Variants in GADL1 observed in about 807,000 individuals in gnomAD.
GADL1 encodes acidic amino acid decarboxylase GADL1.
In GADL1, 71 loss-of-function variants were observed where a neutral mutation model predicts 69.5. The observed-to-expected ratio is 1.02, with a 90% confidence interval of 0.84 to 1.25. The LOEUF (loss-of-function observed/expected upper bound fraction) is 1.25, where lower values mean the gene tolerates loss of function less well. GADL1 is among the 50% of genes most tolerant of loss of function. GADL1 has a pLI of 0.00. For synonymous variants in GADL1, 254 were observed against 214.4 expected, an observed-to-expected ratio of 1.18 and a Z score of -1.62; for missense variants, 737 against 631.8, an observed-to-expected ratio of 1.17 and a Z score of -1.79.
At chr3:30,814,419 G>GA (rs1206352515) in intron 11 of GADL1, among the ~76,000 whole-genome samples, 7 of 152,162 alleles carry the variant, frequency 4.6e-5, no homozygotes, top group Non-Finnish European at 8.8e-5. Flanking sequence ...AGGATAGATA[G>GA]AATCTTATCT....
At position 30,740,925 on chromosome 3, in the gene GADL1, CAAAT is replaced by C. The variant is rs1385611280; in HGVS notation, c.1393-12514_1393-12511del. The stretch of plus-strand genomic sequence containing the variant: ...ATATATATATCTAATATATAAAAAA[CAAAT>C]ATATTATATTTGATATATCAAATAT... On this transcript the variant is annotated intron_variant, in intron 14 of 14. Transcript: ENST00000282538. 2.4e-3 allele frequency among the ~76,000 whole-genome samples: 318 copies of C among 132,064 alleles called. 1 individual carries two copies. Among genetic ancestry groups the C allele is most frequent in the African/African-American group, 9.8e-3 (311 of 31,880 alleles). 86.6% of individuals were successfully genotyped at this position (132,064 alleles called of 152,430 possible). A position where few individuals can be genotyped will look rare whatever the true frequency, so the allele number is the denominator to read the frequency against.
chr3:30,821,409 CTT>C (rs1320714356), intron 11 of GADL1, among the ~76,000 whole-genome samples: 1 of 151,566 alleles, frequency 6.6e-6, no homozygotes, highest in South Asian at 2.1e-4. Flanking sequence ...TTTTTTTTCT[CTT>C]TTTTTATACA....
intron 14 of GADL1, among the ~76,000 whole-genome samples, chr3:30,738,090 A>C (rs1458081380): frequency 2.0e-5 from 3 of 152,222 alleles, no homozygotes; most frequent in Non-Finnish European, 4.4e-5. Context: ...ATAAAGCAAA[A>C]GCTTAATACC....
In GADL1 at chr3:30,728,411, G is replaced by A. The variant is rs1295662775; in HGVS notation, c.1397C>T (p.Ala466Val). 2.5e-6 allele frequency: 4 copies of A among 1,613,244 alleles called. 1 individual carries two copies. Among genetic ancestry groups the A allele is most frequent in the Non-Finnish European group, 1.7e-6 (2 of 1,179,494 alleles). The change falls in exon 15 of 15, where the codon GCC becomes GTC. Residue 466 changes from alanine (A) to valine (V), a missense_variant. Transcript: ENST00000282538. ...PEFWAKLNLVAPAIKERMMKK... is the reference protein window; with the variant it reads ...PEFWAKLNLVVPAIKERMMKK... ...CATCATCCTCTCCTTAATGGCTGGG[G>A]CCACCTGTGTGGGGAGAAAAGGGGA... is the stretch of plus-strand genomic sequence containing the variant.
intron 11 of GADL1, among the ~76,000 whole-genome samples, chr3:30,833,391 GC>G (rs1337544171): frequency 6.6e-6 from 1 of 152,076 alleles, no homozygotes; most frequent in Non-Finnish European, 1.5e-5. Flanking sequence ...TCGAAGATCA[GC>G]CCTGAACAAA....
chr3:30,736,517 T>C (rs1045239716), intron 14 of GADL1, among the ~76,000 whole-genome samples: 1 of 152,210 alleles, frequency 6.6e-6, no homozygotes, highest in Non-Finnish European at 1.5e-5. Flanking sequence ...TTTAATCAAT[T>C]TACACTCCCG....
intron 14 of GADL1, among the ~76,000 whole-genome samples, chr3:30,744,570 C>T (rs898477156): frequency 6.6e-5 from 10 of 152,042 alleles, no homozygotes; most frequent in Admixed American, 2.0e-4. Context: ...AAAAATTAGC[C>T]GGGTATGGTG....
chr3:30,764,782 C>G (rs114400006), intron 14 of GADL1, among the ~76,000 whole-genome samples: 2,139 of 152,282 alleles, frequency 0.014, 41 homozygotes, highest in African/African-American at 0.048. Flanking sequence ...TGTCGGCTCA[C>G]CCCAGGTTGT....
chr3:30,766,211 G>A (rs1696272118), intron 14 of GADL1, among the ~76,000 whole-genome samples: 1 of 152,204 alleles, frequency 6.6e-6, no homozygotes, highest in African/African-American at 2.4e-5. Context: ...AGAATGAAGA[G>A]GTGGTAGAAT....
chr3:30,824,458 C>T (rs960157549), intron 11 of GADL1, among the ~76,000 whole-genome samples: 32 of 151,548 alleles, frequency 2.1e-4, no homozygotes, highest in African/African-American at 7.3e-4. Context: ...AAAATTATTC[C>T]GGATGGAACC....
chr3:30,817,141 C>A (rs1433126063), intron 11 of GADL1, among the ~76,000 whole-genome samples: 1 of 152,054 alleles, frequency 6.6e-6, no homozygotes, highest in Non-Finnish European at 1.5e-5. Context: ...TCTCGTGTAG[C>A]CTGGCATGCG....
At chr3:30,795,339 G>T (rs1350332006) in intron 12 of GADL1, among the ~76,000 whole-genome samples, 1 of 152,122 alleles carries the variant, frequency 6.6e-6, no homozygotes, top group Non-Finnish European at 1.5e-5. Flanking sequence ...GATTATAGCT[G>T]GAAGAGTTAA....
chr3:30,891,415 A>T (rs1698785338), intron 1 of GADL1, among the ~76,000 whole-genome samples: 1 of 152,104 alleles, frequency 6.6e-6, no homozygotes, highest in South Asian at 2.1e-4. Context: ...TGCTACTGTC[A>T]TTTCAAGGAA....
intron 12 of GADL1, among the ~76,000 whole-genome samples, chr3:30,793,094 G>A (rs983637367): frequency 2.0e-5 from 3 of 152,138 alleles, no homozygotes; most frequent in African/African-American, 7.2e-5. Flanking sequence ...GAATAATATA[G>A]TAGTTAGCAT....
intron 14 of GADL1, among the ~76,000 whole-genome samples, chr3:30,733,596 C>A (rs1481725498): frequency 7.1e-6 from 1 of 141,082 alleles, no homozygotes; most frequent in Non-Finnish European, 1.5e-5. Context: ...CTCCTTCCTT[C>A]CTTCCTTCCT....
chr3:30,812,847 A>G (rs1697387582), intron 11 of GADL1, among the ~76,000 whole-genome samples: 3 of 152,054 alleles, frequency 2.0e-5, no homozygotes, highest in Non-Finnish European at 2.9e-5. Context: ...AGCCTACAAT[A>G]TGGTAGGATT....
intron 1 of GADL1, among the ~76,000 whole-genome samples, chr3:30,868,097 TGA>T (rs1698429821): frequency 6.6e-6 from 1 of 152,076 alleles, no homozygotes; most frequent in Admixed American, 6.6e-5. Context: ...AAACTTTTCC[TGA>T]GAGTGACTCC....
At position 30,838,897 on chromosome 3, in the gene GADL1, T is replaced by C. The variant is rs1052249648; in HGVS notation, c.903+100A>G. ...CCAATTTGAGACACAAACAAAAGCG[T>C]TGGGGACTCCACATCTAGTTTCTGA... On this transcript the variant is annotated intron_variant, in intron 9 of 14. Coordinates refer to ENST00000282538, the MANE Select transcript of GADL1 (RefSeq NM_207359.3). The C allele has an allele frequency of 1.6e-4, 109 of 667,586 alleles. 1 individual carries two copies. The African/African-American group carries it at 1.7e-3, about 11-fold the overall frequency. 41.4% of individuals were successfully genotyped at this position (667,586 alleles called of 1,614,324 possible). A position where few individuals can be genotyped will look rare whatever the true frequency, so the allele number is the denominator to read the frequency against.
chr3:30,851,848 A>G (rs80142298), intron 4 of GADL1, among the ~76,000 whole-genome samples: 2,328 of 152,012 alleles, frequency 0.015, 57 homozygotes, highest in African/African-American at 0.053. Context: ...TCCCAAGGGT[A>G]CTCCTTAATA....
Sources: gnomAD v4.1 joint callset for allele counts (sites outside exome capture counted in the v4.1 genomes callset) on GRCh38, gnomAD v4.1.1 for gene constraint, MANE v1.5 for transcripts, NCBI Gene and HGNC (gene_info 2026-07-23, HGNC 2026-07-21) for gene names.